The following XYLB variants were observed in gnomAD, a reference collection of about 807,000 sequenced individuals.
The protein encoded by XYLB is xylulose kinase.
XYLB carries 62 observed loss-of-function variants against 78.7 expected under a neutral mutation model. The ratio of observed to expected loss-of-function variants is 0.79; its 90% CI spans 0.64 to 0.97. XYLB has a LOEUF of 0.97. Ranked by LOEUF, XYLB falls within the 50% of genes least tolerant of loss-of-function variation. XYLB has a pLI of 0.00. For synonymous variants in XYLB, 245 were observed against 247.4 expected (o/e 0.99, Z 0.09); for missense variants, 687 against 676.8 (o/e 1.02, Z -0.17).
chr3:38,395,375 A>C, intron 15 of XYLB, 130 bp from the exon 16 acceptor site: 6 of 789,112 alleles, frequency 7.6e-6, no homozygotes, highest in Admixed American at 2.0e-5. Flanking sequence ...TCTCTCCCGT[A>C]GTCCTGTGTG....
chr3:38,419,535 G>T (rs1708904738), downstream of XYLB, among the ~76,000 whole-genome samples: 1 of 132,308 alleles, frequency 7.6e-6, no homozygotes, highest in Non-Finnish European at 1.6e-5. Flanking sequence ...AATGCACAGG[G>T]ATCTAGTTTC....
At chr3:38,406,483 C>T (rs1708327269) in intron 18 of XYLB, among the ~76,000 whole-genome samples, 1 of 152,246 alleles carries the variant, frequency 6.6e-6, no homozygotes, top group African/African-American at 2.4e-5. Context: ...GAGCGCCTCT[C>T]CTCCTCCAAA....
At chr3:38,370,578 G>T (rs1419637230) in intron 9 of XYLB, among the ~76,000 whole-genome samples, 4 of 152,190 alleles carry the variant, frequency 2.6e-5, no homozygotes, top group African/African-American at 9.6e-5. Context: ...CACAGCACAG[G>T]CCCTGGCACT....
intron 15 of XYLB, among the ~76,000 whole-genome samples, chr3:38,381,175 C>T (rs939495546): frequency 3.9e-5 from 6 of 152,162 alleles, no homozygotes; most frequent in African/African-American, 1.4e-4. Flanking sequence ...ATTTCATGGA[C>T]ATTTATTAGT....
At position 38,389,151 on chromosome 3, in the gene XYLB, C is replaced by T. The variant is rs527501534; in HGVS notation, c.1292-6354C>T. ...ATTAGGGAGTGGTGATGACTCTTAACGAGCATGCTGCCTTCAAGCATCTGT... is the reference window on the plus strand; with the variant it reads ...ATTAGGGAGTGGTGATGACTCTTAATGAGCATGCTGCCTTCAAGCATCTGT... On this transcript the variant is annotated intron_variant, in intron 15 of 18. Transcript: ENST00000207870. Among the ~76,000 whole-genome samples, 6 of 146,350 alleles carry T rather than the reference C, an allele frequency of 4.1e-5. No individual in the cohort carries two copies. The South Asian group carries it at 1.1e-3, about 28-fold the overall frequency.
the XYLB span, among the ~76,000 whole-genome samples, chr3:38,430,068 C>A: frequency 2.0e-5 from 3 of 152,158 alleles, no homozygotes; most frequent in African/African-American, 7.2e-5. Context: ...CGGGTATATA[C>A]CCAGTAATAG....
chr3:38,412,197 G>A (rs1037976045), intron 18 of XYLB, among the ~76,000 whole-genome samples: 1 of 152,098 alleles, frequency 6.6e-6, no homozygotes, highest in African/African-American at 2.4e-5. Context: ...CACCAGGTTG[G>A]TCAGGCTGGT....
At chr3:38,421,968 G>A (rs1708993370), downstream of XYLB, among the ~76,000 whole-genome samples, 1 of 152,208 alleles carries the variant, frequency 6.6e-6, no homozygotes, top group Non-Finnish European at 1.5e-5. Flanking sequence ...ACAAGAGGGT[G>A]ATATGGATGC....
intron 15 of XYLB, among the ~76,000 whole-genome samples, chr3:38,385,479 T>C (rs1463166608): frequency 6.6e-6 from 1 of 152,236 alleles, no homozygotes; most frequent in Non-Finnish European, 1.5e-5. Context: ...GAATTTTTTC[T>C]TTTTCTGTAT....
chr3:38,408,943 A>C (rs2125673641), intron 18 of XYLB, among the ~76,000 whole-genome samples: 1 of 152,342 alleles, frequency 6.6e-6, no homozygotes, highest in Non-Finnish European at 1.5e-5. Flanking sequence ...TCACAGCCGA[A>C]TTCTACCAGA....
intron 18 of XYLB, among the ~76,000 whole-genome samples, chr3:38,409,013 G>T (rs943972582): frequency 1.3e-5 from 2 of 152,092 alleles, no homozygotes; most frequent in Non-Finnish European, 2.9e-5. Context: ...AGAAAAAGAG[G>T]GAATCCTCCC....
chr3:38,396,924 A>G, intron 16 of XYLB, 148 bp from the exon 17 acceptor site: 1 of 759,984 alleles, frequency 1.3e-6, no homozygotes, highest in African/African-American at 1.7e-5. Context: ...GGGTAGCATG[A>G]CCAAGCATAC....
chr3:38,439,414 A>C, the XYLB span, among the ~76,000 whole-genome samples: 8 of 152,232 alleles, frequency 5.3e-5, no homozygotes, highest in Non-Finnish European at 1.0e-4. Flanking sequence ...AGATGGCTGC[A>C]CAGGACCTAG....
At chr3:38,440,586 G>A in the XYLB span, among the ~76,000 whole-genome samples, 3 of 152,158 alleles carry the variant, frequency 2.0e-5, no homozygotes, top group Non-Finnish European at 4.4e-5. Flanking sequence ...TAGATCTCCT[G>A]TCAGGAAACC....
Position 38,375,223 on chromosome 3 carries a change from A to G in XYLB, c.968A>G (p.Asn323Ser). Residue 323 changes from asparagine (N) to serine (S), a missense_variant, in exon 12 of 19, where the codon AAC becomes AGC. Transcript: ENST00000207870. The stretch of plus-strand genomic sequence containing the variant: ...GCCCTGGAAGGCCACATCTTCTGCA[A>G]CCCGGTTGACTCCCAGCACTACATG... Reference protein sequence around the residue: ...MPALEGHIFCNPVDSQHYMAL... With the variant: ...MPALEGHIFCSPVDSQHYMAL... 1 of 1,614,168 alleles carries G rather than the reference A, an allele frequency of 6.2e-7. No individual in the cohort carries two copies. Among genetic ancestry groups the G allele is most frequent in the South Asian group, 1.1e-5 (1 of 91,078 alleles).
intron 17 of XYLB, among the ~76,000 whole-genome samples, chr3:38,398,966 A>G (rs547327654): frequency 2.4e-3 from 369 of 151,246 alleles, no homozygotes; most frequent in African/African-American, 8.4e-3. Flanking sequence ...TGGGAGGCGG[A>G]GGTTGCAGTG....
At chr3:38,362,371 G>T (rs1706020393) in intron 3 of XYLB, among the ~76,000 whole-genome samples, 1 of 152,126 alleles carries the variant, frequency 6.6e-6, no homozygotes, top group Admixed American at 6.5e-5. Flanking sequence ...CTGAGTAGCT[G>T]GGATTACAGG....
At chr3:38,437,357 G>A in the XYLB span, among the ~76,000 whole-genome samples, 58 of 152,218 alleles carry the variant, frequency 3.8e-4, no homozygotes, top group African/African-American at 1.3e-3. Flanking sequence ...ACTGGAACAA[G>A]ACAAGTCACT....
Position 38,413,673 on chromosome 3 carries a change from CA to C in XYLB, c.*663del, listed in dbSNP as rs1708691341. On this transcript the variant is annotated 3_prime_UTR_variant, in exon 19 of 19. Coordinates refer to ENST00000207870, the MANE Select transcript of XYLB (RefSeq NM_005108.4). ...CCCTCCTTCATCTCTCCTCCCTCCC[CA>C]AACTCACTTGGCATAATTCACAACC... 1 of 152,286 alleles carries C rather than the reference CA, an allele frequency of 6.6e-6. No homozygotes were observed. The highest frequency in any genetic ancestry group is 6.6e-5 in the Admixed American group (1 of 15,256). 9.4% of individuals were successfully genotyped at this position (152,286 alleles called of 1,614,324 possible).
Sources: allele counts gnomAD v4.1 joint callset (sites outside exome capture counted in the v4.1 genomes callset), GRCh38; gene constraint gnomAD v4.1.1; transcripts MANE v1.5; gene names NCBI Gene and HGNC (gene_info 2026-07-23, HGNC 2026-07-21).